Variants in DST observed in about 807,000 individuals in gnomAD.
DST encodes the protein dystonin, also known as bullous pemphigoid antigen.
DST carries 253 observed loss-of-function variants against 875.2 expected under a neutral mutation model. That is an observed-to-expected ratio of 0.29 (90% CI 0.26 to 0.32). The LOEUF is 0.32. DST is among the 10% of genes least tolerant of loss of function. The pLI is 1.00. For synonymous variants in DST, 3,124 were observed against 3,197.1 expected (o/e 0.98, Z 0.77); for missense variants, 8,287 against 9,111.6 (o/e 0.91, Z 3.68).
Position 56,635,619 on chromosome 6 carries a change from G to A in DST, c.3156C>T (p.His1052=). 1.2e-6 allele frequency: 2 copies of A among 1,613,978 alleles called. No individual in the cohort carries two copies. The highest frequency in any genetic ancestry group is 1.3e-5 in the African/African-American group (1 of 75,058). ...ATTCCTGAACAAGGTCTTCTAGCTTGTGAATGCTGCTTGATCTATCACAGC... is the reference window on the plus strand; with the variant it reads ...ATTCCTGAACAAGGTCTTCTAGCTTATGAATGCTGCTTGATCTATCACAGC... The part of the protein sequence containing the change: ...KYSCDRSSSI[H]KLEDLVQESM... The change falls in exon 24 of 104, where the codon CAC becomes CAT. Residue 1052 remains histidine (H), a synonymous_variant. Transcript: ENST00000680361.
chr6:56,508,020 G>T (rs143019729), intron 75 of DST, among the ~76,000 whole-genome samples: 391 of 152,044 alleles, frequency 2.6e-3, no homozygotes, highest in Non-Finnish European at 4.4e-3. Flanking sequence ...GAAATTTTTT[G>T]TTGTTGTTGT....
chr6:56,809,060 G>C (rs1231123230), intron 4 of DST, among the ~76,000 whole-genome samples: 2 of 152,088 alleles, frequency 1.3e-5, no homozygotes, highest in African/African-American at 2.4e-5. Flanking sequence ...GAACAGCTGG[G>C]AGGCAGGATT....
intron 7 of DST, among the ~76,000 whole-genome samples, chr6:56,703,050 G>T (rs2099317139): frequency 6.6e-6 from 1 of 152,176 alleles, no homozygotes; most frequent in South Asian, 2.1e-4. Context: ...TCTTGCAAAG[G>T]TAGGCTGCAG....
At chr6:56,796,388 G>GT (rs1460760259) in intron 4 of DST, among the ~76,000 whole-genome samples, 1 of 152,202 alleles carries the variant, frequency 6.6e-6, no homozygotes, top group Non-Finnish European at 1.5e-5. Flanking sequence ...AATGAATGTG[G>GT]TAACTACATT....
intron 53 of DST, among the ~76,000 whole-genome samples, chr6:56,570,867 C>T (rs1443776219): frequency 6.6e-6 from 1 of 152,150 alleles, no homozygotes; most frequent in African/African-American, 2.4e-5. Flanking sequence ...TTATGTGATG[C>T]TGAATGCCGG....
At position 56,606,636 on chromosome 6, in the gene DST, C is replaced by A; in HGVS notation, c.7992G>T (p.Glu2664Asp). ...PADVFYDVSK[E>D]NENSMVPQGA... ...CCTGGGGAACCATGGAATTTTCATTCTCTTTTGAGACATCATAAAAAACAT... is the reference window on the plus strand; with the variant it reads ...CCTGGGGAACCATGGAATTTTCATTATCTTTTGAGACATCATAAAAAACAT... Residue 2664 changes from glutamate (E) to aspartate (D), a missense_variant, in exon 40 of 104, where the codon GAG (glutamate) becomes GAT (aspartate). Around this residue, in one of 10 missense-constraint regions of DST, gnomAD observed 3,138 missense variants for 3,116.6 expected, o/e 1.01. Coordinates refer to ENST00000680361, the MANE Select transcript of DST (RefSeq NM_001374736.1). The A allele has an allele frequency of 6.2e-7, 1 of 1,613,610 alleles. No individual in the cohort carries two copies. The highest frequency in any genetic ancestry group is 8.5e-7 in the Non-Finnish European group (1 of 1,179,634).
At chr6:56,846,612 T>C (rs1016529197) in intron 4 of DST, among the ~76,000 whole-genome samples, 4 of 152,224 alleles carry the variant, frequency 2.6e-5, no homozygotes, top group Non-Finnish European at 5.9e-5. Context: ...CATTGTTTTA[T>C]TCTCACATTG....
At chr6:56,884,130 C>CAA (rs879402274) in intron 3 of DST, among the ~76,000 whole-genome samples, 1 of 142,720 alleles carries the variant, frequency 7.0e-6, no homozygotes, top group Non-Finnish European at 1.5e-5. Context: ...GAACTTATCT[C>CAA]AAAAAAAAAA....
At chr6:56,749,863 A>C (rs990071028) in intron 4 of DST, among the ~76,000 whole-genome samples, 3 of 152,152 alleles carry the variant, frequency 2.0e-5, no homozygotes, top group Non-Finnish European at 4.4e-5. Context: ...TCCCACTTAA[A>C]GTTGCTTATT....
chr6:56,605,782 G>A lies in DST; in HGVS notation c.8846C>T (p.Thr2949Ile). The A allele has an allele frequency of 6.2e-7, 1 of 1,612,634 alleles. No homozygotes were observed. The highest frequency in any genetic ancestry group is 8.5e-7 in the Non-Finnish European group (1 of 1,179,250). Reference protein sequence around the residue: ...ISHDNNNISSTSELGTDLANT... With the variant: ...ISHDNNNISSISELGTDLANT... ...TGCTAGATCAGTACCTAATTCAGAA[G>A]TTGAACTGATATTATTATTATCATG... Residue 2949 changes from threonine (T) to isoleucine (I), a missense_variant, in exon 40 of 104, where the codon ACT becomes ATT. Physicochemically the swap from Thr to Ile is moderately conservative, Grantham distance 89. This residue lies in a region of DST where 3,138 missense variants were observed against 3,116.6 expected (regional missense o/e 1.01). Coordinates refer to ENST00000680361, the MANE Select transcript of DST (RefSeq NM_001374736.1).
intron 3 of DST, among the ~76,000 whole-genome samples, chr6:56,858,813 A>G (rs951854826): frequency 2.0e-5 from 3 of 152,186 alleles, no homozygotes; most frequent in Non-Finnish European, 4.4e-5. Context: ...GGTGATTATA[A>G]TTTAAGCATT....
chr6:56,814,618 A>G (rs1192197404), intron 4 of DST, among the ~76,000 whole-genome samples: 1 of 152,216 alleles, frequency 6.6e-6, no homozygotes, highest in Non-Finnish European at 1.5e-5. Context: ...ACAGCAAGTT[A>G]CAGCTGTGCT....
intron 85 of DST, among the ~76,000 whole-genome samples, chr6:56,490,479 G>A (rs1212405459): frequency 6.6e-6 from 1 of 152,100 alleles, no homozygotes; most frequent in Non-Finnish European, 1.5e-5. Context: ...CATGAATAAT[G>A]AAATAACAAC....
chr6:56,885,749 C>G (rs1784424430), intron 3 of DST, among the ~76,000 whole-genome samples: 1 of 152,190 alleles, frequency 6.6e-6, no homozygotes, highest in Admixed American at 6.5e-5. Flanking sequence ...CACCCAATAC[C>G]AAACCTGCTG....
chr6:56,692,045 C>T (rs1035774974), intron 9 of DST, among the ~76,000 whole-genome samples: 3 of 152,120 alleles, frequency 2.0e-5, no homozygotes, highest in Non-Finnish European at 2.9e-5. Flanking sequence ...TACCTACAGT[C>T]CAACTAAGCT....
chr6:56,942,259 T>C (rs1306024537), intron 2 of DST, among the ~76,000 whole-genome samples: 1 of 152,220 alleles, frequency 6.6e-6, no homozygotes, highest in Non-Finnish European at 1.5e-5. Flanking sequence ...CCCTGCTATT[T>C]ATTGATTCTG....
intron 36 of DST, chr6:56,620,450 T>C (rs774722495): frequency 1.9e-6 from 3 of 1,614,230 alleles, no homozygotes; most frequent in South Asian, 1.1e-5. Flanking sequence ...CCTGCGGTAC[T>C]GCTTGGCTTC....
At chr6:56,660,710 A>G (rs2099035552) in intron 10 of DST, among the ~76,000 whole-genome samples, 1 of 151,806 alleles carries the variant, frequency 6.6e-6, no homozygotes, top group Non-Finnish European at 1.5e-5. Context: ...CAAGCTATGA[A>G]GGTAATTTTC....
chr6:56,616,190 G>A, intron 36 of DST: 1 of 1,614,200 alleles, frequency 6.2e-7, no homozygotes, highest in South Asian at 1.1e-5. Flanking sequence ...TTCTGTAAGT[G>A]TGATGAGGCC....
Sources: allele counts gnomAD v4.1 joint callset (sites outside exome capture counted in the v4.1 genomes callset), GRCh38; gene constraint gnomAD v4.1.1; regional missense constraint gnomAD v4.1.1; transcripts MANE v1.5; gene names NCBI Gene and HGNC (gene_info 2026-07-23, HGNC 2026-07-21).